Variants in NTN1 observed in about 807,000 individuals in gnomAD.
NTN1 encodes the protein netrin 1, also known as netrin-1.
Under a neutral mutation model 54.2 loss-of-function variants are expected in NTN1, and 11 were observed. The observed-to-expected ratio is 0.20, with a 90% CI of 0.13 to 0.34. The LOEUF (loss-of-function observed/expected upper bound fraction) is 0.34. NTN1 is among the 10% of genes least tolerant of loss of function. NTN1 has a pLI of 1.00. For missense variants in NTN1, 740 were observed against 893.1 expected, an observed-to-expected ratio of 0.83 and a Z score of 2.18; for synonymous variants, 371 against 382.0, an observed-to-expected ratio of 0.97 and a Z score of 0.33.
chr17:9,178,154 G>A (rs1327662619), intron 3 of NTN1, among the ~76,000 whole-genome samples: 4 of 152,180 alleles, frequency 2.6e-5, no homozygotes, highest in Non-Finnish European at 5.9e-5. Flanking sequence ...CCGAGATTAC[G>A]CCATTGCACT....
chr17:9,034,278 G>C (rs990880768), intron 2 of NTN1, among the ~76,000 whole-genome samples: 10 of 152,242 alleles, frequency 6.6e-5, no homozygotes, highest in African/African-American at 2.2e-4. Context: ...CCCAGAGGTA[G>C]GGTTCTGATC....
intron 2 of NTN1, among the ~76,000 whole-genome samples, chr17:9,139,854 A>G (rs2092292191): frequency 6.6e-6 from 1 of 152,080 alleles, no homozygotes; most frequent in Non-Finnish European, 1.5e-5. Flanking sequence ...CCATTCATTC[A>G]GCCATCTATC....
At position 9,231,298 on chromosome 17, in the gene NTN1, G is replaced by C. The variant is rs1028241480; in HGVS notation, c.1487-8342G>C. Among the ~76,000 whole-genome samples the C allele has an allele frequency of 6.7e-5, 7 of 104,458 alleles. No individual in the cohort carries two copies. In the South Asian group the frequency reaches 1.2e-3, roughly 17 times the overall value. The allele number at this position is 104,458 out of a possible 152,430, so 68.5% of individuals were successfully genotyped here. A position where few individuals can be genotyped will look rare whatever the true frequency, so the allele number is the denominator to read the frequency against. On this transcript the variant is annotated intron_variant, in intron 6 of 6. Coordinates refer to ENST00000173229, the MANE Select transcript of NTN1 (RefSeq NM_004822.3). The stretch of plus-strand genomic sequence containing the variant: ...CTCTGAGATACCATGGGGTACCCGG[G>C]GGGGGACCCCAGCCTCCCAAGTAGT...
intron 2 of NTN1, among the ~76,000 whole-genome samples, chr17:9,032,945 C>T (rs182334510): frequency 9.3e-4 from 133 of 143,154 alleles, no homozygotes; most frequent in African/African-American, 3.4e-3. Flanking sequence ...CTCCAATCCA[C>T]AGAAATCAAT....
intron 2 of NTN1, among the ~76,000 whole-genome samples, chr17:9,098,530 A>T (rs2092139422): frequency 6.6e-6 from 1 of 152,160 alleles, no homozygotes. Flanking sequence ...GACTGCTGAA[A>T]CCATGGCACT....
At chr17:9,185,168 A>T (rs530787166) in intron 5 of NTN1, among the ~76,000 whole-genome samples, 1 of 152,204 alleles carries the variant, frequency 6.6e-6, no homozygotes, top group East Asian at 1.9e-4. Flanking sequence ...AGGGTGTCTG[A>T]TGCTCTCCCC....
At chr17:9,063,238 AGGTACT>A (rs2092004572) in intron 2 of NTN1, among the ~76,000 whole-genome samples, 1 of 151,948 alleles carries the variant, frequency 6.6e-6, no homozygotes, top group Non-Finnish European at 1.5e-5. Context: ...CTGGGATTAC[AGGTACT>A]GGCCACCATG....
Position 9,067,654 on chromosome 17 carries a change from A to G in NTN1, c.1018+44263A>G, listed in dbSNP as rs1458594655. Among the ~76,000 whole-genome samples the G allele has an allele frequency of 5.9e-5, 9 of 152,234 alleles. No individual in the cohort carries two copies. The East Asian group carries it at 1.5e-3, about 26-fold the overall frequency. ...TTGAGGCCCTTCTTGGTCTGTCCCA[A>G]CCCACTCATCTTCCTCACTTCTTCA... is the stretch of plus-strand genomic sequence containing the variant. On this transcript the variant is annotated intron_variant, in intron 2 of 6. Coordinates refer to ENST00000173229, the MANE Select transcript of NTN1 (RefSeq NM_004822.3).
intron 2 of NTN1, among the ~76,000 whole-genome samples, chr17:9,082,012 G>A (rs961453952): frequency 3.3e-5 from 5 of 152,168 alleles, no homozygotes; most frequent in African/African-American, 1.2e-4. Context: ...TGAAAGTGGT[G>A]TGATTCCTCA....
At chr17:9,231,247 C>G (rs1490890075) in intron 6 of NTN1, among the ~76,000 whole-genome samples, 2 of 152,140 alleles carry the variant, frequency 1.3e-5, no homozygotes, top group Admixed American at 6.5e-5. Context: ...CCTATCAGCT[C>G]AGTTCTGCCT....
intron 5 of NTN1, among the ~76,000 whole-genome samples, chr17:9,201,723 C>T (rs1904789912): frequency 6.6e-6 from 1 of 152,114 alleles, no homozygotes; most frequent in South Asian, 2.1e-4. Context: ...ACAGCCATGC[C>T]TGAGCTCCTG....
At chr17:9,035,303 T>C (rs1466839752) in intron 2 of NTN1, among the ~76,000 whole-genome samples, 2 of 152,242 alleles carry the variant, frequency 1.3e-5, no homozygotes, top group Non-Finnish European at 2.9e-5. Context: ...CTTCTTTTGC[T>C]CCATGTTACA....
chr17:9,240,186 C>T lies in NTN1; in HGVS notation c.*218C>T, dbSNP rs969509378. The stretch of plus-strand genomic sequence containing the variant: ...GGGCGGGAGCCGCGTGCACGCGGGG[C>T]GGGGTGCGCCGCCGGCCGGGCCCTG... On this transcript the variant is annotated 3_prime_UTR_variant, in exon 7 of 7. Coordinates refer to ENST00000173229, the MANE Select transcript of NTN1 (RefSeq NM_004822.3). 31 of 169,344 alleles carry T rather than the reference C, an allele frequency of 1.8e-4. No individual in the cohort carries two copies. Among genetic ancestry groups the T allele is most frequent in the African/African-American group, 6.5e-4 (27 of 41,822 alleles). 10.5% of individuals were successfully genotyped at this position (169,344 alleles called of 1,614,324 possible).
chr17:9,061,677 TTG>T (rs1310211732), intron 2 of NTN1, among the ~76,000 whole-genome samples: 90 of 151,392 alleles, frequency 5.9e-4, no homozygotes, highest in South Asian at 1.5e-3. Flanking sequence ...AGTTTTTTTG[TTG>T]TTGTTGTTGT....
rs1906286981 is a variant in NTN1 at position 9,243,349 on chromosome 17, G to A, written c.*3381G>A. Reference sequence around the variant, plus strand: ...AACTCTGCCTCAGTCGCGGCATGCTGGAGAGGGGTACGGACTTACTTTCTT... The same window carrying A: ...AACTCTGCCTCAGTCGCGGCATGCTAGAGAGGGGTACGGACTTACTTTCTT... On this transcript the variant is annotated 3_prime_UTR_variant, in exon 7 of 7. Transcript: ENST00000173229. 1 of 152,248 alleles carries A rather than the reference G, an allele frequency of 6.6e-6. No individual in the cohort carries two copies. The highest frequency in any genetic ancestry group is 6.5e-5 in the Admixed American group (1 of 15,284). 9.4% of individuals were successfully genotyped at this position (152,248 alleles called of 1,614,324 possible). A position where few individuals can be genotyped will look rare whatever the true frequency, so the allele number is the denominator to read the frequency against.
At chr17:9,028,057 G>A (rs1034297784) in intron 2 of NTN1, among the ~76,000 whole-genome samples, 29 of 151,900 alleles carry the variant, frequency 1.9e-4, no homozygotes, top group Admixed American at 1.4e-3. Flanking sequence ...CCTGGGAGGC[G>A]GAGGTTGCAG....
intron 3 of NTN1, among the ~76,000 whole-genome samples, chr17:9,164,876 A>G (rs1224886812): frequency 6.6e-6 from 1 of 152,182 alleles, no homozygotes; most frequent in African/African-American, 2.4e-5. Flanking sequence ...AGGCAAAGGG[A>G]CCCGAGAAAC....
Position 9,198,899 on chromosome 17 carries a change from A to G in NTN1, c.1411+15930A>G, listed in dbSNP as rs958965091. 3.7e-4 allele frequency among the ~76,000 whole-genome samples: 56 copies of G among 152,160 alleles called. 1 individual carries two copies. Among genetic ancestry groups the G allele is most frequent in the Admixed American group, 3.3e-3 (51 of 15,274 alleles). On this transcript the variant is annotated intron_variant, in intron 5 of 6. Coordinates refer to ENST00000173229, the MANE Select transcript of NTN1 (RefSeq NM_004822.3). Reference sequence around the variant, plus strand: ...CGCTTTCACCTACGAGGGAGGCCATATGTGTGGGAGGCACCATTGAGCTCC... The same window carrying G: ...CGCTTTCACCTACGAGGGAGGCCATGTGTGTGGGAGGCACCATTGAGCTCC...
At chr17:9,204,246 T>TTCTC (rs370943781) in intron 5 of NTN1, among the ~76,000 whole-genome samples, 9 of 147,648 alleles carry the variant, frequency 6.1e-5, no homozygotes, top group South Asian at 2.2e-4. Flanking sequence ...CTTCCTCTGT[T>TTCTC]TCTCTCTCTC....
Sources: allele counts gnomAD v4.1 joint callset (sites outside exome capture counted in the v4.1 genomes callset), GRCh38; gene constraint gnomAD v4.1.1; transcripts MANE v1.5; gene names NCBI Gene and HGNC (gene_info 2026-07-23, HGNC 2026-07-21).